Variants in CTNND2 observed in about 807,000 individuals in gnomAD.
The protein encoded by CTNND2 is catenin delta-2.
A neutral mutation model predicts 144.4 loss-of-function variants in CTNND2; 22 were observed. The ratio of observed to expected loss-of-function variants is 0.15; its 90% CI spans 0.11 to 0.22. The LOEUF is 0.22. CTNND2 is among the 10% of genes least tolerant of loss of function. CTNND2 has a pLI of 1.00. For missense variants in CTNND2, 1,353 were observed against 1,618.8 expected (o/e 0.84, Z 2.82); for synonymous variants, 751 against 695.6 (o/e 1.08, Z -1.25).
intron 10 of CTNND2, among the ~76,000 whole-genome samples, chr5:11,207,232 G>T (rs1673946832): frequency 6.6e-6 from 1 of 152,062 alleles, no homozygotes; most frequent in Admixed American, 6.6e-5. Context: ...ACTGGGGCCT[G>T]TTGGGGGGTG....
chr5:11,122,018 C>A (rs548478489), intron 12 of CTNND2, among the ~76,000 whole-genome samples: 1 of 152,262 alleles, frequency 6.6e-6, no homozygotes, highest in South Asian at 2.1e-4. Flanking sequence ...ATGTTTATAC[C>A]TAGCATTCAG....
At chr5:11,681,395 A>C (rs766141456) in intron 2 of CTNND2, among the ~76,000 whole-genome samples, 22 of 152,300 alleles carry the variant, frequency 1.4e-4, no homozygotes, top group Non-Finnish European at 2.6e-4. Flanking sequence ...ACATGAAGTC[A>C]AAAGCTTGTG....
intron 12 of CTNND2, among the ~76,000 whole-genome samples, chr5:11,148,189 C>T (rs2149747252): frequency 6.6e-6 from 1 of 152,274 alleles, no homozygotes; most frequent in African/African-American, 2.4e-5. Context: ...GGAGTAACTG[C>T]TTAATGAATA....
intron 1 of CTNND2, among the ~76,000 whole-genome samples, chr5:11,761,859 C>A (rs146769424): frequency 2.0e-5 from 3 of 152,090 alleles, no homozygotes; most frequent in Non-Finnish European, 2.9e-5. Context: ...ATTTAAAAAT[C>A]TAAGTTGATC....
chr5:11,415,360 T>G (rs1437654809), intron 3 of CTNND2, among the ~76,000 whole-genome samples: 1 of 152,112 alleles, frequency 6.6e-6, no homozygotes, highest in Non-Finnish European at 1.5e-5. Flanking sequence ...TCCCAGTGAT[T>G]TGGGAGGCTG....
At chr5:11,646,121 T>C (rs1782333490) in intron 2 of CTNND2, among the ~76,000 whole-genome samples, 1 of 152,286 alleles carries the variant, frequency 6.6e-6, no homozygotes, top group South Asian at 2.1e-4. Flanking sequence ...TGCTCTTCTC[T>C]CTGCTCTCTC....
At chr5:11,087,204 G>C (rs1165121958) in intron 15 of CTNND2, among the ~76,000 whole-genome samples, 1 of 152,082 alleles carries the variant, frequency 6.6e-6, no homozygotes, top group Non-Finnish European at 1.5e-5. Flanking sequence ...TGGTACAAAT[G>C]GCATGTGATT....
chr5:11,498,254 T>C (rs549403582), intron 3 of CTNND2, among the ~76,000 whole-genome samples: 7 of 151,332 alleles, frequency 4.6e-5, no homozygotes, highest in Admixed American at 3.3e-4. Context: ...CAAACACACA[T>C]ACACATATGC....
At chr5:11,381,724 T>C (rs1279541706) in intron 7 of CTNND2, among the ~76,000 whole-genome samples, 1 of 152,118 alleles carries the variant, frequency 6.6e-6, no homozygotes, top group Non-Finnish European at 1.5e-5. Flanking sequence ...TCCCAGCACT[T>C]TGGGAGGCCG....
At position 11,083,844 on chromosome 5, in the gene CTNND2, C is replaced by A. The variant is rs550350652; in HGVS notation, c.2638-998G>T. ...CCACCAGGCCACCTCCACCCCCCTTCCCCCATGGGGGCAGGCACCCCAGAG... is the reference window on the plus strand; with the variant it reads ...CCACCAGGCCACCTCCACCCCCCTTACCCCATGGGGGCAGGCACCCCAGAG... On this transcript the variant is annotated intron_variant, in intron 15 of 21. Transcript: ENST00000304623. 10 of 1,069,728 alleles carry A rather than the reference C, an allele frequency of 9.3e-6. No homozygotes were observed. The South Asian group carries it at 1.5e-4, about 16-fold the overall frequency. 66.3% of individuals were successfully genotyped at this position (1,069,728 alleles called of 1,614,324 possible).
At chr5:11,798,638 G>A (rs1330165820) in intron 1 of CTNND2, among the ~76,000 whole-genome samples, 4 of 152,070 alleles carry the variant, frequency 2.6e-5, no homozygotes, top group Non-Finnish European at 2.9e-5. Context: ...CTGGTGGTGC[G>A]TGCCTGTAAT....
intron 3 of CTNND2, among the ~76,000 whole-genome samples, chr5:11,476,847 A>AT (rs1767793418): frequency 6.6e-6 from 1 of 152,148 alleles, no homozygotes; most frequent in Non-Finnish European, 1.5e-5. Flanking sequence ...GATTAGAGTG[A>AT]TTTTTCACTT....
At chr5:11,064,506 G>A (rs902032338) in intron 16 of CTNND2, among the ~76,000 whole-genome samples, 1 of 151,896 alleles carries the variant, frequency 6.6e-6, no homozygotes, top group African/African-American at 2.4e-5. Flanking sequence ...CAGAAGATGT[G>A]CCTTCGAGAT....
rs150145840 is a variant in CTNND2, at chr5:11,321,736, G to A, written c.1628+24636C>T. ...ATATGCACCACACACACACATGCATGCACACACATCACACACACACAAACA... is the reference window on the plus strand; with the variant it reads ...ATATGCACCACACACACACATGCATACACACACATCACACACACACAAACA... On this transcript the variant is annotated intron_variant, in intron 9 of 21. Coordinates refer to ENST00000304623, the MANE Select transcript of CTNND2 (RefSeq NM_001332.4). Among the ~76,000 whole-genome samples the A allele has an allele frequency of 5.6e-3, 848 of 152,062 alleles. 5 individuals carry two copies. Among genetic ancestry groups the A allele is most frequent in the African/African-American group, 0.019 (775 of 41,492 alleles).
At chr5:11,899,698 C>T (rs1212372482) in intron 1 of CTNND2, among the ~76,000 whole-genome samples, 1 of 152,168 alleles carries the variant, frequency 6.6e-6, no homozygotes, top group African/African-American at 2.4e-5. Context: ...TTGTAATTTA[C>T]AAGCCACTTA....
chr5:11,848,439 T>A (rs1311172925), intron 1 of CTNND2, among the ~76,000 whole-genome samples: 1 of 152,194 alleles, frequency 6.6e-6, no homozygotes, highest in Non-Finnish European at 1.5e-5. Context: ...ATAGTGCGTT[T>A]GATGTTGTAG....
intron 18 of CTNND2, among the ~76,000 whole-genome samples, chr5:11,003,581 T>G (rs1580004321): frequency 1.3e-5 from 2 of 152,334 alleles, no homozygotes; most frequent in South Asian, 4.1e-4. Flanking sequence ...GGTAGAATAT[T>G]CTGATGCACA....
At chr5:11,191,857 G>A (rs963679117) in intron 11 of CTNND2, among the ~76,000 whole-genome samples, 1 of 152,188 alleles carries the variant, frequency 6.6e-6, no homozygotes, top group Non-Finnish European at 1.5e-5. Flanking sequence ...TTGTCCCCAT[G>A]AGTGGCAGCT....
At chr5:11,689,656 T>C (rs1285295720) in intron 2 of CTNND2, among the ~76,000 whole-genome samples, 3 of 152,218 alleles carry the variant, frequency 2.0e-5, no homozygotes, top group Admixed American at 6.5e-5. Context: ...AATAGTCTAA[T>C]AGGTCTTTTA....
Sources: gnomAD v4.1 joint callset for allele counts (sites outside exome capture counted in the v4.1 genomes callset) on GRCh38, gnomAD v4.1.1 for gene constraint, MANE v1.5 for transcripts, NCBI Gene and HGNC (gene_info 2026-07-23, HGNC 2026-07-21) for gene names.